CACNB2: variants seen among roughly 807,000 people sequenced by gnomAD.
CACNB2 encodes the protein voltage-dependent L-type calcium channel subunit beta-2.
CACNB2 carries 42 observed loss-of-function variants against 73.3 expected under a neutral mutation model. The observed-to-expected ratio is 0.57, with a 90% CI of 0.45 to 0.74. CACNB2 has a LOEUF of 0.74. Ranked by LOEUF, CACNB2 falls within the 30% of genes least tolerant of loss-of-function variation. CACNB2 has a pLI of 0.00. For synonymous variants in CACNB2, 348 were observed against 310.3 expected, an observed-to-expected ratio of 1.12 and a Z score of -1.28; for missense variants, 940 against 853.0, an observed-to-expected ratio of 1.10 and a Z score of -1.27.
intron 3 of CACNB2, among the ~76,000 whole-genome samples, chr10:18,481,512 G>A (rs1276082964): frequency 6.6e-6 from 1 of 151,614 alleles, no homozygotes; most frequent in Non-Finnish European, 1.5e-5. Flanking sequence ...ATCCCAAAGT[G>A]CTGGGATTAC....
At chr10:18,369,884 G>A (rs1015766846) in intron 2 of CACNB2, among the ~76,000 whole-genome samples, 6 of 152,196 alleles carry the variant, frequency 3.9e-5, no homozygotes, top group Non-Finnish European at 8.8e-5. Flanking sequence ...TCCACCCTTG[G>A]CAACAGAGCA....
At chr10:18,150,853 G>GTGTTTTTTTTTT in intron 1 of CACNB2, 30 bp from the exon 2 acceptor site, 1 of 655,038 alleles carries the variant, frequency 1.5e-6, no homozygotes. Context: ...AATCTTATTT[G>GTGTTTTTTTTTT]TCTTTTTTTT....
chr10:18,270,427 T>C (rs755766633), intron 2 of CACNB2, among the ~76,000 whole-genome samples: 1 of 151,906 alleles, frequency 6.6e-6, no homozygotes, highest in Non-Finnish European at 1.5e-5. Context: ...CCTTCAACAA[T>C]CCATTCTCCA....
chr10:18,539,643 C>T lies in CACNB2; in HGVS notation c.1902C>T (p.Tyr634=), dbSNP rs749258786. 2 of 1,613,228 alleles carry T rather than the reference C, an allele frequency of 1.2e-6. No individual in the cohort carries two copies. The highest frequency in any genetic ancestry group is 1.1e-5 in the South Asian group (1 of 91,038). The change falls in exon 14 of 14, where the codon TAC becomes TAT. Residue 634 remains tyrosine (Y), a synonymous_variant. Transcript: ENST00000324631. ...GCCGTCATAAATCCAAGGATCGCTA[C>T]TGTGAAAAGGATGGAGAAGTGATAT... ...QRSRHKSKDR[Y]CEKDGEVISK... is the part of the protein sequence containing the mutation.
At chr10:18,290,100 T>TTTTTTC (rs1205771519) in intron 2 of CACNB2, among the ~76,000 whole-genome samples, 1 of 145,284 alleles carries the variant, frequency 6.9e-6, no homozygotes, top group East Asian at 2.0e-4. Flanking sequence ...AGTTTTTTTC[T>TTTTTTC]TTTTTCTTTT....
intron 2 of CACNB2, among the ~76,000 whole-genome samples, chr10:18,396,784 T>C (rs2043734071): frequency 6.6e-6 from 1 of 152,092 alleles, no homozygotes; most frequent in South Asian, 2.1e-4. Context: ...TTTTGCTTTA[T>C]TTTAAAATAT....
chr10:18,249,520 T>G (rs544335201), intron 2 of CACNB2, among the ~76,000 whole-genome samples: 1 of 152,352 alleles, frequency 6.6e-6, no homozygotes, highest in Admixed American at 6.5e-5. Context: ...GCTCTCTTTA[T>G]TGAACTCATT....
In CACNB2 at chr10:18,539,264, C is replaced by G. The variant is rs1370112236; in HGVS notation, c.1523C>G (p.Ala508Gly). 6 of 1,613,942 alleles carry G rather than the reference C, an allele frequency of 3.7e-6. No individual in the cohort carries two copies. Among genetic ancestry groups the G allele is most frequent in the Non-Finnish European group, 5.1e-6 (6 of 1,180,022 alleles). The change falls in exon 14 of 14, where the codon GCT (alanine) becomes GGT (glycine). Residue 508 changes from alanine (A) to glycine (G), a missense_variant. Physicochemically the swap from Ala to Gly is moderately conservative, Grantham distance 60 (BLOSUM62 0). Coordinates refer to ENST00000324631, the MANE Select transcript of CACNB2 (RefSeq NM_201596.3). Reference protein sequence around the residue: ...SQGDQRTDRSAPIRSASQAEE... With the variant: ...SQGDQRTDRSGPIRSASQAEE... ...GGTGATCAGAGGACTGATCGCTCCG[C>G]TCCTATCCGTTCTGCTTCCCAAGCT...
At chr10:18,151,158 T>C in intron 2 of CACNB2, 183 bp downstream of exon 2, 1 of 544,328 alleles carries the variant, frequency 1.8e-6, no homozygotes. Flanking sequence ...GACTAAGTAA[T>C]AATTACACTC....
intron 9 of CACNB2, among the ~76,000 whole-genome samples, 157 bp from the exon 10 acceptor site, chr10:18,527,431 A>G (rs534562585): frequency 2.8e-4 from 43 of 152,298 alleles, no homozygotes; most frequent in Middle Eastern, 6.8e-3. Flanking sequence ...AATAAGTAAA[A>G]AGAAAAAAAA....
chr10:18,144,224 C>T (rs904694426), intron 1 of CACNB2, among the ~76,000 whole-genome samples: 9 of 152,148 alleles, frequency 5.9e-5, no homozygotes, highest in African/African-American at 2.2e-4. Context: ...ACTACAGGCG[C>T]CCGCCACCAT....
intron 2 of CACNB2, among the ~76,000 whole-genome samples, chr10:18,284,907 G>A (rs891885714): frequency 6.6e-6 from 1 of 152,174 alleles, no homozygotes; most frequent in African/African-American, 2.4e-5. Context: ...GAACTAGGGA[G>A]TACTAAATCA....
chr10:18,511,715 T>C (rs548712948), intron 6 of CACNB2, among the ~76,000 whole-genome samples: 3 of 152,314 alleles, frequency 2.0e-5, no homozygotes, highest in East Asian at 1.9e-4. Flanking sequence ...AGCTCTATGA[T>C]GTCATCCTGA....
chr10:18,330,441 A>T (rs890278943), intron 2 of CACNB2, among the ~76,000 whole-genome samples: 2 of 152,132 alleles, frequency 1.3e-5, no homozygotes, highest in Admixed American at 6.6e-5. Flanking sequence ...ACTCGAGCCT[A>T]GGAGTTCAAG....
intron 2 of CACNB2, among the ~76,000 whole-genome samples, chr10:18,372,162 A>G (rs2042615155): frequency 6.6e-6 from 1 of 151,924 alleles, no homozygotes. Flanking sequence ...TTGCCTGTTC[A>G]CTCTGATGGT....
chr10:18,431,026 G>A (rs1019035198), intron 3 of CACNB2, among the ~76,000 whole-genome samples: 19 of 152,182 alleles, frequency 1.2e-4, no homozygotes, highest in Non-Finnish European at 1.9e-4. Context: ...CACCCAGGTT[G>A]GAGTGCAGTG....
At position 18,539,595 on chromosome 10, in the gene CACNB2, C is replaced by G; in HGVS notation, c.1854C>G (p.His618Gln). The G allele has an allele frequency of 1.2e-6, 2 of 1,613,712 alleles. No homozygotes were observed. Among genetic ancestry groups the G allele is most frequent in the South Asian group, 2.2e-5 (2 of 91,060 alleles). The change falls in exon 14 of 14, where the codon CAC becomes CAG. Residue 618 changes from histidine to glutamine, a missense_variant. By Grantham distance (24) the His-to-Gln change is conservative. Transcript: ENST00000324631. The part of the protein sequence containing the change: ...RSRDVDREQD[H>Q]NECNKQRSRH... Reference sequence around the variant, plus strand: ...GGGACGTGGATCGAGAGCAGGACCACAACGAGTGCAACAAGCAGCGCAGCC... The same window carrying G: ...GGGACGTGGATCGAGAGCAGGACCAGAACGAGTGCAACAAGCAGCGCAGCC...
At chr10:18,375,831 A>T (rs528378644) in intron 2 of CACNB2, among the ~76,000 whole-genome samples, 1 of 152,358 alleles carries the variant, frequency 6.6e-6, no homozygotes, top group Non-Finnish European at 1.5e-5. Context: ...AATACCTTTG[A>T]CATAGATTTG....
chr10:18,451,577 G>C (rs369051670), intron 3 of CACNB2, among the ~76,000 whole-genome samples: 11 of 152,228 alleles, frequency 7.2e-5, no homozygotes, highest in African/African-American at 2.6e-4. Flanking sequence ...GTGTTTTTCC[G>C]ATAAACACAT....
Sources: allele counts gnomAD v4.1 joint callset (sites outside exome capture counted in the v4.1 genomes callset), GRCh38; gene constraint gnomAD v4.1.1; transcripts MANE v1.5; gene names NCBI Gene and HGNC (gene_info 2026-07-23, HGNC 2026-07-21).